PDSS1: variants seen among roughly 807,000 people sequenced by gnomAD.
The protein encoded by PDSS1 is all trans-polyprenyl-diphosphate synthase PDSS1.
PDSS1 carries 43 observed loss-of-function variants against 57.5 expected under a neutral mutation model. The ratio of observed to expected loss-of-function variants is 0.75; its 90% confidence interval spans 0.59 to 0.96. PDSS1 has a LOEUF of 0.96. PDSS1 is among the 50% of genes least tolerant of loss of function. The probability of loss-of-function intolerance (pLI) is 0.00; values close to 1 mark genes in which losing one functional copy is unlikely to be tolerated. For synonymous variants in PDSS1, 175 were observed against 191.3 expected (o/e 0.91, Z 0.70); for missense variants, 438 against 527.8 (o/e 0.83, Z 1.67).
chr10:26,715,012 G>A lies in PDSS1; in HGVS notation c.468-5206G>A, dbSNP rs545608387. ...CTGACTGGCTCCAGTGATTCCAAAG[G>A]TCAGGCCACTAACAACTGTAGAGCC... On this transcript the variant is annotated intron_variant, in intron 5 of 11. Transcript: ENST00000376215. 2.0e-5 allele frequency: 3 copies of A among 152,266 alleles called. No individual in the cohort carries two copies. The East Asian group carries it at 5.8e-4, about 29-fold the overall frequency. 9.4% of individuals were successfully genotyped at this position (152,266 alleles called of 1,614,324 possible).
chr10:26,725,151 C>T (rs1460548648), intron 8 of PDSS1, among the ~76,000 whole-genome samples: 1 of 152,108 alleles, frequency 6.6e-6, no homozygotes, highest in Non-Finnish European at 1.5e-5. Flanking sequence ...GACAGATACA[C>T]AGAGACAAAA....
intron 8 of PDSS1, among the ~76,000 whole-genome samples, chr10:26,727,552 G>A (rs146069142): frequency 0.02 from 3,038 of 150,302 alleles, 120 homozygotes; most frequent in African/African-American, 0.071. Context: ...CTGGAGCGCA[G>A]TGGCATGATC....
At chr10:26,730,404 G>A (rs1233075336) in intron 8 of PDSS1, among the ~76,000 whole-genome samples, 1 of 151,728 alleles carries the variant, frequency 6.6e-6, no homozygotes, top group Non-Finnish European at 1.5e-5. Flanking sequence ...GAGCCCAGGA[G>A]TTTGAGACCA....
chr10:26,734,515 GTT>G, intron 8 of PDSS1: 1 of 362,600 alleles, frequency 2.8e-6, no homozygotes, highest in Non-Finnish European at 5.4e-6. Flanking sequence ...GCTTTTTGGA[GTT>G]TTAAAAAGAC....
intron 8 of PDSS1, among the ~76,000 whole-genome samples, chr10:26,726,837 G>A (rs188874466): frequency 1.3e-5 from 2 of 152,238 alleles, no homozygotes; most frequent in East Asian, 1.9e-4. Flanking sequence ...CGAGGCGAGT[G>A]GATCACTTTA....
intron 8 of PDSS1, among the ~76,000 whole-genome samples, chr10:26,733,667 G>A (rs1836291753): frequency 6.6e-6 from 1 of 152,126 alleles, no homozygotes; most frequent in Admixed American, 6.5e-5. Context: ...TGAGGTGGAG[G>A]AGGATTATTT....
intron 8 of PDSS1, among the ~76,000 whole-genome samples, chr10:26,725,597 C>CT (rs1835925887): frequency 6.6e-6 from 1 of 152,010 alleles, no homozygotes; most frequent in South Asian, 2.1e-4. Flanking sequence ...AGTGGGTGCT[C>CT]TAACACTTTT....
intron 4 of PDSS1, among the ~76,000 whole-genome samples, chr10:26,707,204 C>T (rs553454844): frequency 1.3e-5 from 2 of 152,236 alleles, no homozygotes; most frequent in East Asian, 3.9e-4. Flanking sequence ...CTTCCCATAC[C>T]AGTCCCAGTT....
chr10:26,704,343 C>T (rs1285051260), intron 2 of PDSS1, among the ~76,000 whole-genome samples: 1 of 151,928 alleles, frequency 6.6e-6, no homozygotes, highest in Non-Finnish European at 1.5e-5. Context: ...CTTTTTTCCT[C>T]TGACCAATCT....
chr10:26,736,399 T>C (rs1341739237), intron 10 of PDSS1, among the ~76,000 whole-genome samples: 1 of 152,256 alleles, frequency 6.6e-6, no homozygotes, highest in Admixed American at 6.5e-5. Flanking sequence ...CACCGTGCCA[T>C]GAAATTCAAC....
Position 26,723,814 on chromosome 10 carries a change from T to C in PDSS1, c.618T>C (p.Leu206=), listed in dbSNP as rs762818085. 1.2e-6 allele frequency: 2 copies of C among 1,608,974 alleles called. No homozygotes were observed. Among genetic ancestry groups the C allele is most frequent in the South Asian group, 2.2e-5 (2 of 90,982 alleles). Residue 206 remains leucine (L), a synonymous_variant, in exon 7 of 12, where the codon CTT becomes CTC. Coordinates refer to ENST00000376215, the MANE Select transcript of PDSS1 (RefSeq NM_014317.5). ...NKIWGEKKAV[L]AGDLILSAAS... is the part of the protein sequence containing the mutation. ...CCCCTGTCTTTTTCTAGGCTGTTCT[T>C]GCTGGAGATTTAATTCTTTCTGCAG...
At chr10:26,744,912 G>A (rs1017295419) in intron 11 of PDSS1, among the ~76,000 whole-genome samples, 1 of 151,718 alleles carries the variant, frequency 6.6e-6, no homozygotes, top group African/African-American at 2.4e-5. Flanking sequence ...ACCTGTAATC[G>A]CAGCATTTTG....
intron 4 of PDSS1, among the ~76,000 whole-genome samples, chr10:26,706,889 CAGA>C (rs573587891): frequency 3.7e-4 from 57 of 152,246 alleles, no homozygotes; most frequent in African/African-American, 1.3e-3. Context: ...GGGCCTAAGG[CAGA>C]AGGAGAGACG....
chr10:26,699,430 T>C (rs1021452172), intron 1 of PDSS1, among the ~76,000 whole-genome samples: 11 of 150,612 alleles, frequency 7.3e-5, no homozygotes, highest in Non-Finnish European at 1.6e-4. Flanking sequence ...AGTCTCACTC[T>C]GTCGCCCAGG....
chr10:26,736,947 T>C (rs1836427192), intron 10 of PDSS1, among the ~76,000 whole-genome samples: 1 of 152,234 alleles, frequency 6.6e-6, no homozygotes, highest in South Asian at 2.1e-4. Flanking sequence ...GTAGGTGTTA[T>C]GCTGGGGATT....
At chr10:26,706,842 C>T (rs2477298) in intron 4 of PDSS1, among the ~76,000 whole-genome samples, 79,388 of 151,998 alleles carry the variant, frequency 0.52, 21,799 homozygotes, top group Middle Eastern at 0.64. Flanking sequence ...GCAGCAACCT[C>T]AATTCTTGCC....
chr10:26,738,523 G>T (rs1836478678), intron 10 of PDSS1, among the ~76,000 whole-genome samples: 1 of 152,204 alleles, frequency 6.6e-6, no homozygotes, highest in Admixed American at 6.5e-5. Flanking sequence ...GATACTCAAA[G>T]AATCATCTCT....
At chr10:26,741,611 A>G (rs1360526656) in intron 10 of PDSS1, among the ~76,000 whole-genome samples, 1 of 152,186 alleles carries the variant, frequency 6.6e-6, no homozygotes, top group East Asian at 1.9e-4. Context: ...TCTGCACATA[A>G]TGCCCTCTGC....
In PDSS1 at chr10:26,742,348, A is replaced by T. The variant is rs139808090; in HGVS notation, c.1027-149A>T. The T allele has an allele frequency of 1.8e-3, 1,233 of 691,856 alleles. 6 individuals are homozygous for T. The highest frequency in any genetic ancestry group is 2.7e-3 in the Admixed American group (129 of 47,852). 42.9% of individuals were successfully genotyped at this position (691,856 alleles called of 1,614,324 possible). A position where few individuals can be genotyped will look rare whatever the true frequency, so the allele number is the denominator to read the frequency against. ...CTCTTAGCTCAGCTTTTGTTGCCAC[A>T]GTTTACTGCTCCCCCACATCATCTA... is the stretch of plus-strand genomic sequence containing the variant. On this transcript the variant is annotated intron_variant, in intron 10 of 11. Transcript: ENST00000376215.
Sources: allele counts gnomAD v4.1 joint callset (sites outside exome capture counted in the v4.1 genomes callset), GRCh38; gene constraint gnomAD v4.1.1; transcripts MANE v1.5; gene names NCBI Gene and HGNC (gene_info 2026-07-23, HGNC 2026-07-21).